The following ZNF443 variants were observed in gnomAD, a reference collection of about 807,000 sequenced individuals.
ZNF443 encodes zinc finger protein 443.
Under a neutral mutation model 12.0 loss-of-function variants are expected in ZNF443, and 3 were observed. The ratio of observed to expected loss-of-function variants is 0.25; its 90% CI spans 0.11 to 0.64. The LOEUF (loss-of-function observed/expected upper bound fraction) is 0.64, where lower values mean the gene tolerates loss of function less well. Ranked by LOEUF, ZNF443 falls within the 30% of genes least tolerant of loss-of-function variation. ZNF443 has a pLI of 0.84. For missense variants in ZNF443, 770 were observed against 808.8 expected, an observed-to-expected ratio of 0.95 and a Z score of 0.58; for synonymous variants, 225 against 265.9, an observed-to-expected ratio of 0.85 and a Z score of 1.50.
At chr19:12,440,386 G>A (rs1228937840) in intron 1 of ZNF443, among the ~76,000 whole-genome samples, 2 of 152,138 alleles carry the variant, frequency 1.3e-5, no homozygotes, top group Middle Eastern at 3.2e-3. Flanking sequence ...AAAGGCTGGC[G>A]CCAACCAGGT....
At chr19:12,440,561 T>C (rs1020946765) in intron 1 of ZNF443, among the ~76,000 whole-genome samples, 1 of 151,910 alleles carries the variant, frequency 6.6e-6, no homozygotes, top group African/African-American at 2.4e-5. Context: ...TCCCCTCTCC[T>C]CCTGTTAAAC....
intron 1 of ZNF443, among the ~76,000 whole-genome samples, chr19:12,435,689 G>A (rs1220227171): frequency 7.2e-5 from 11 of 151,820 alleles, no homozygotes; most frequent in Non-Finnish European, 1.5e-4. Flanking sequence ...CACAAAGACT[G>A]GAAGAGGTCA....
intron 1 of ZNF443, among the ~76,000 whole-genome samples, chr19:12,434,990 GTCACCGAGACTGGAGTGCAGACACA>G (rs1355081759): frequency 6.3e-5 from 7 of 111,736 alleles, no homozygotes; most frequent in South Asian, 2.9e-4. Context: ...GCCTTGCTCT[GTCACCGAGACTGGAGTGCAGACACA>G]TCACCCAGAC....
At chr19:12,433,321 C>G in intron 1 of ZNF443, 124 bp from the exon 2 acceptor site, 2 of 1,447,342 alleles carry the variant, frequency 1.4e-6, no homozygotes, top group Non-Finnish European at 1.8e-6. Context: ...ACATGGTAAA[C>G]CCACTCTTAT....
In ZNF443 at chr19:12,431,185, G is replaced by A; in HGVS notation, c.987C>T (p.Thr329=). ...SVSGSLQRHE[T]THSAEKPYAC... ...CATAGGGTTTCTCTGCACTGTGAGT[G>A]GTTTCATGTCTTTGAAGGGAACCGG... Residue 329 remains threonine (T), a synonymous_variant, in exon 4 of 4, where the codon ACC becomes ACT. Transcript: ENST00000301547. 6.2e-7 allele frequency: 1 copy of A among 1,612,106 alleles called. No individual in the cohort carries two copies. Among genetic ancestry groups the A allele is most frequent in the Non-Finnish European group, 8.5e-7 (1 of 1,179,432 alleles).
In ZNF443 at chr19:12,430,782, G is replaced by A; in HGVS notation, c.1390C>T (p.Leu464Phe). The A allele has an allele frequency of 4.3e-6, 7 of 1,614,078 alleles. No individual in the cohort carries two copies. The highest frequency in any genetic ancestry group is 5.9e-6 in the Non-Finnish European group (7 of 1,179,982). ...GTATGAGTTGTTTCATGCCTTCGAAGGGAACTGGAAATACGGTAGGCTTTG... is the reference window on the plus strand; with the variant it reads ...GTATGAGTTGTTTCATGCCTTCGAAAGGAACTGGAAATACGGTAGGCTTTG... ...CGKAYRISSS[L>F]RRHETTHTGE... The change falls in exon 4 of 4, where the codon CTT becomes TTT. Residue 464 changes from leucine to phenylalanine, a missense_variant. Around this residue, in one of 3 missense-constraint regions of ZNF443, gnomAD observed 736 missense variants for 689.4 expected, o/e 1.07. Transcript: ENST00000301547.
In ZNF443 at chr19:12,430,449, A is replaced by G. The variant is rs745415232; in HGVS notation, c.1723T>C (p.Phe575Leu). The G allele has an allele frequency of 3.8e-5, 61 of 1,606,434 alleles. No homozygotes were observed. Among genetic ancestry groups the G allele is most frequent in the Non-Finnish European group, 5.0e-5 (59 of 1,175,630 alleles). Reference protein sequence around the residue: ...CGKAFSWLTCFLRHERIHMRE... With the variant: ...CGKAFSWLTCLLRHERIHMRE... The stretch of plus-strand genomic sequence containing the variant: ...ATGTGAATTCTTTCATGTCGTAGAA[A>G]GCAAGTGAGCCAAGAGAATGCTTTC... Residue 575 changes from phenylalanine (F) to leucine (L), a missense_variant, in exon 4 of 4, where the codon TTT becomes CTT. This residue lies in a region of ZNF443 where 736 missense variants were observed against 689.4 expected (regional missense o/e 1.07). Coordinates refer to ENST00000301547, the MANE Select transcript of ZNF443 (RefSeq NM_005815.5).
At position 12,431,662 on chromosome 19, in the gene ZNF443, A is replaced by T; in HGVS notation, c.510T>A (p.Asp170Glu). Residue 170 changes from aspartate to glutamate, a missense_variant, in exon 4 of 4, where the codon GAT becomes GAA. Transcript: ENST00000301547. ...TGAAGGACTTCCCACATTCTTTACAATCATATGGTTTCTTTCCAGTGTGAA... is the reference window on the plus strand; with the variant it reads ...TGAAGGACTTCCCACATTCTTTACATTCATATGGTTTCTTTCCAGTGTGAA... ...ERLHTGKKPY[D>E]CKECGKSFSS... 6.2e-7 allele frequency: 1 copy of T among 1,614,086 alleles called. No individual in the cohort carries two copies. The highest frequency in any genetic ancestry group is 8.5e-7 in the Non-Finnish European group (1 of 1,180,000).
chr19:12,433,938 G>T (rs1970283548), intron 1 of ZNF443, among the ~76,000 whole-genome samples: 1 of 152,024 alleles, frequency 6.6e-6, no homozygotes, highest in African/African-American at 2.4e-5. Context: ...ATGGGTGAAT[G>T]AATAAATGAG....
At chr19:12,437,937 CA>C (rs3071453) in intron 1 of ZNF443, among the ~76,000 whole-genome samples, 189 of 136,074 alleles carry the variant, frequency 1.4e-3, no homozygotes, top group Non-Finnish European at 1.1e-3. Flanking sequence ...ATTAAAAATA[CA>C]AAAAAAAAAA....
intron 1 of ZNF443, among the ~76,000 whole-genome samples, chr19:12,435,451 A>T (rs1970299562): frequency 6.6e-6 from 1 of 152,250 alleles, no homozygotes; most frequent in Non-Finnish European, 1.5e-5. Flanking sequence ...TGAAGAGAAA[A>T]TGTCCTCCAG....
intron 1 of ZNF443, among the ~76,000 whole-genome samples, chr19:12,439,078 C>T (rs1396624700): frequency 1.3e-5 from 2 of 152,006 alleles, no homozygotes; most frequent in Non-Finnish European, 2.9e-5. Context: ...GTTCGCCACC[C>T]TCCTAGGAGA....
chr19:12,430,761 G>C lies in ZNF443; in HGVS notation c.1411C>G (p.His471Asp), dbSNP rs759313325. 2 of 1,613,504 alleles carry C rather than the reference G, an allele frequency of 1.2e-6. No homozygotes were observed. The highest frequency in any genetic ancestry group is 4.5e-5 in the East Asian group (2 of 44,848). Residue 471 changes from histidine (H) to aspartate (D), a missense_variant, in exon 4 of 4, where the codon CAT (histidine) becomes GAT (aspartate). Transcript: ENST00000301547. ...SSSLRRHETT[H>D]TGEKPYKCKL... Reference sequence around the variant, plus strand: ...CATTTATAGGGTTTCTCTCCAGTATGAGTTGTTTCATGCCTTCGAAGGGAA... The same window carrying C: ...CATTTATAGGGTTTCTCTCCAGTATCAGTTGTTTCATGCCTTCGAAGGGAA...
Position 12,440,964 on chromosome 19 carries a change from A to G in ZNF443, c.-50T>C, listed in dbSNP as rs1385402029. On this transcript the variant is annotated 5_prime_UTR_variant, in exon 1 of 4. Coordinates refer to ENST00000301547, the MANE Select transcript of ZNF443 (RefSeq NM_005815.5). ...GTCCTACCGACAGCTCCCGCTGCCA[A>G]TGCGTGTTCCAGCCAGACAAAGGCT... The G allele has an allele frequency of 5.6e-6, 9 of 1,613,910 alleles. No individual in the cohort carries two copies. The East Asian group carries it at 6.7e-5, about 12-fold the overall frequency.
intron 1 of ZNF443, among the ~76,000 whole-genome samples, chr19:12,436,529 AG>A (rs1970310633): frequency 6.6e-6 from 1 of 152,116 alleles, no homozygotes; most frequent in Non-Finnish European, 1.5e-5. Context: ...TGCAGCTGCA[AG>A]GTACAACTAA....
rs1327951598 is a variant in ZNF443, at chr19:12,431,531, A to G, written c.641T>C (p.Met214Thr). Residue 214 changes from methionine to threonine, a missense_variant, in exon 4 of 4, where the codon ATG (methionine) becomes ACG (threonine). Coordinates refer to ENST00000301547, the MANE Select transcript of ZNF443 (RefSeq NM_005815.5). ...CTCTCCAGTGTGCGTTCTTTCATGCATATGTAATAAACTGGGCCAAAAAAA... is the reference window on the plus strand; with the variant it reads ...CTCTCCAGTGTGCGTTCTTTCATGCGTATGTAATAAACTGGGCCAAAAAAA... Reference protein sequence around the residue: ...KAFFWPSLLHMHERTHTGEKP... With the variant: ...KAFFWPSLLHTHERTHTGEKP... The G allele has an allele frequency of 6.2e-7, 1 of 1,614,130 alleles. No homozygotes were observed. The highest frequency in any genetic ancestry group is 1.7e-5 in the Admixed American group (1 of 60,034).
chr19:12,434,318 G>A (rs556010283), intron 1 of ZNF443, among the ~76,000 whole-genome samples: 60 of 152,128 alleles, frequency 3.9e-4, no homozygotes, highest in Admixed American at 9.8e-4. Context: ...TACTTACAGA[G>A]AATATTTGGA....
At position 12,432,423 on chromosome 19, in the gene ZNF443, C is replaced by T; in HGVS notation, c.145G>A (p.Asp49Asn). 1 of 1,495,420 alleles carries T rather than the reference C, an allele frequency of 6.7e-7. No individual in the cohort carries two copies. The highest frequency in any genetic ancestry group is 9.1e-7 in the Non-Finnish European group (1 of 1,101,328). The allele number at this position is 1,495,420 out of a possible 1,614,324, so 92.6% of individuals were successfully genotyped here. ...CTATATTGATCTTCAATGTTCTGGT[C>T]TTTCCATTTCATTACTAAAAGGTAT... The part of the protein sequence containing the change: ...NLDCVVMKWK[D>N]QNIEDQYRYP... The change falls in exon 3 of 4, where the codon GAC becomes AAC. Residue 49 changes from aspartate (D) to asparagine (N), a missense_variant. By Grantham distance (23) the Asp-to-Asn change is conservative. Coordinates refer to ENST00000301547, the MANE Select transcript of ZNF443 (RefSeq NM_005815.5).
At position 12,432,361 on chromosome 19, in the gene ZNF443, T is replaced by C; in HGVS notation, c.191+16A>G. The C allele has an allele frequency of 1.9e-6, 3 of 1,571,812 alleles. No homozygotes were observed. Among genetic ancestry groups the C allele is most frequent in the Non-Finnish European group, 2.6e-6 (3 of 1,149,194 alleles). The stretch of plus-strand genomic sequence containing the variant: ...CGGCTCCAGGGACATATCTTTCTCT[T>C]GTGAGTGTAAATTACCTTAGATTTT... On this transcript the variant is annotated intron_variant, in intron 3 of 3. Coordinates refer to ENST00000301547, the MANE Select transcript of ZNF443 (RefSeq NM_005815.5).
Sources: allele counts gnomAD v4.1 joint callset (sites outside exome capture counted in the v4.1 genomes callset), GRCh38; gene constraint gnomAD v4.1.1; regional missense constraint gnomAD v4.1.1; transcripts MANE v1.5; gene names NCBI Gene and HGNC (gene_info 2026-07-23, HGNC 2026-07-21).